The following PLPPR4 variants were observed in gnomAD, a reference collection of about 807,000 sequenced individuals.
PLPPR4 encodes phospholipid phosphatase-related protein type 4.
In PLPPR4, 24 loss-of-function variants were observed where a neutral mutation model predicts 56.6. The ratio of observed to expected loss-of-function variants is 0.42; its 90% CI spans 0.31 to 0.60. PLPPR4 has a LOEUF of 0.60. Ranked by LOEUF, PLPPR4 falls within the 20% of genes least tolerant of loss-of-function variation. The probability of loss-of-function intolerance (pLI) is 0.13; values close to 1 mark genes in which losing one functional copy is unlikely to be tolerated. For synonymous variants in PLPPR4, 326 were observed against 328.1 expected (o/e 0.99, Z 0.07); for missense variants, 654 against 885.8 (o/e 0.74, Z 3.32).
chr1:99,277,102 G>A (rs553132255), intron 1 of PLPPR4, among the ~76,000 whole-genome samples: 61 of 152,234 alleles, frequency 4.0e-4, no homozygotes, highest in South Asian at 1.0e-3. Context: ...ATCCCAAAAC[G>A]ATGTTGTCAT....
In PLPPR4 at chr1:99,308,265, G is replaced by T. The variant is rs1325943778; in HGVS notation, c.*1255G>T. 7.9e-5 allele frequency: 12 copies of T among 152,020 alleles called. No homozygotes were observed. The highest frequency in any genetic ancestry group is 1.5e-4 in the Non-Finnish European group (10 of 68,012). The allele number at this position is 152,020 out of a possible 1,614,324, so 9.4% of individuals were successfully genotyped here. ...GGAAGAATCTGAAAAAAAAATGCAT[G>T]TTGGTAAGTAAAAGTATCTCACGGT... On this transcript the variant is annotated 3_prime_UTR_variant, in exon 7 of 7. Transcript: ENST00000370185.
chr1:99,269,997 TTGTGTGTGTGTGTGTGTGTGTGTG>T (rs10612152), intron 1 of PLPPR4, among the ~76,000 whole-genome samples: 14 of 134,474 alleles, frequency 1.0e-4, no homozygotes, highest in Non-Finnish European at 1.9e-4. Context: ...TTCATTCCTT[TTGTGTGTGTGTGTGTGTGTGTGTG>T]TGTGTGTGTG....
intron 1 of PLPPR4, among the ~76,000 whole-genome samples, chr1:99,285,075 T>C (rs903638073): frequency 3.3e-5 from 5 of 150,720 alleles, no homozygotes; most frequent in African/African-American, 1.2e-4. Context: ...TTATTGTTAC[T>C]GGTTATAACA....
intron 2 of PLPPR4, among the ~76,000 whole-genome samples, chr1:99,289,015 C>T (rs142982799): frequency 7.6e-4 from 115 of 152,196 alleles, no homozygotes; most frequent in African/African-American, 2.5e-3. Context: ...TGTTAATATA[C>T]ATTGTGAGTA....
At chr1:99,271,539 T>G (rs985384589) in intron 1 of PLPPR4, among the ~76,000 whole-genome samples, 8 of 152,180 alleles carry the variant, frequency 5.3e-5, no homozygotes, top group African/African-American at 1.7e-4. Context: ...TCTGTCAGAG[T>G]TCTGGAACAG....
chr1:99,283,679 G>A (rs901571886), intron 1 of PLPPR4, among the ~76,000 whole-genome samples: 2 of 152,140 alleles, frequency 1.3e-5, no homozygotes, highest in Admixed American at 1.3e-4. Context: ...GGCTGGGCGC[G>A]GTGGCTCACG....
chr1:99,288,188 G>T (rs1557778399), intron 2 of PLPPR4, 38 bp downstream of exon 2: 1 of 1,577,376 alleles, frequency 6.3e-7, no homozygotes, highest in Non-Finnish European at 8.6e-7. Context: ...ATCTGTCCTG[G>T]AAAACTAAAA....
intron 3 of PLPPR4, 65 bp from the exon 4 acceptor site, chr1:99,298,970 A>C (rs1415811737): frequency 9.5e-7 from 1 of 1,057,492 alleles, no homozygotes; most frequent in Non-Finnish European, 1.5e-6. Flanking sequence ...ACTAATGTTT[A>C]ATGAATATGT....
intron 1 of PLPPR4, among the ~76,000 whole-genome samples, chr1:99,283,656 A>C (rs1281398421): frequency 1.6e-4 from 24 of 152,194 alleles, no homozygotes; most frequent in Admixed American, 1.6e-3. Flanking sequence ...GCTGCATAAA[A>C]ATAGCTCGGT....
chr1:99,279,375 G>A (rs1405478955), intron 1 of PLPPR4, among the ~76,000 whole-genome samples: 1 of 151,922 alleles, frequency 6.6e-6, no homozygotes, highest in Middle Eastern at 3.2e-3. Context: ...CATTCACTAG[G>A]GAAGACAAAA....
At chr1:99,281,361 C>A (rs924322659) in intron 1 of PLPPR4, among the ~76,000 whole-genome samples, 31 of 152,162 alleles carry the variant, frequency 2.0e-4, no homozygotes, top group African/African-American at 7.0e-4. Context: ...GTATAAAAAC[C>A]AGTTTAGATT....
At chr1:99,298,931 G>T in intron 3 of PLPPR4, 104 bp from the exon 4 acceptor site, 2 of 837,458 alleles carry the variant, frequency 2.4e-6, no homozygotes, top group South Asian at 1.4e-5. Context: ...TAGAGAAAAT[G>T]AACACAATAG....
rs1005009145 is a variant in PLPPR4, at chr1:99,308,970, A to G, written c.*1960A>G. ...CCTGCTGCAGCATTTCAGGTGCAGT[A>G]TGATATTTCCTAATCTTTCCTATTT... On this transcript the variant is annotated 3_prime_UTR_variant, in exon 7 of 7. Transcript: ENST00000370185. 1.3e-5 allele frequency: 2 copies of G among 152,658 alleles called. No homozygotes were observed. The highest frequency in any genetic ancestry group is 4.8e-5 in the African/African-American group (2 of 41,472). The allele number at this position is 152,658 out of a possible 1,614,324, so 9.5% of individuals were successfully genotyped here. A position where few individuals can be genotyped will look rare whatever the true frequency, so the allele number is the denominator to read the frequency against.
rs1171833109 is a variant in PLPPR4, at chr1:99,291,893, C to T, written c.264+3743C>T. Among the ~76,000 whole-genome samples the T allele has an allele frequency of 2.0e-5, 3 of 152,004 alleles. No homozygotes were observed. The South Asian group carries it at 6.2e-4, about 32-fold the overall frequency. On this transcript the variant is annotated intron_variant, in intron 2 of 6. Coordinates refer to ENST00000370185, the MANE Select transcript of PLPPR4 (RefSeq NM_014839.5). ...TCACCTATATAACAAACCTGCACAT[C>T]CTGCACATGTACCCCTGAACTTGAA...
intron 1 of PLPPR4, among the ~76,000 whole-genome samples, chr1:99,274,901 C>T (rs1570907945): frequency 6.6e-6 from 1 of 152,136 alleles, no homozygotes; most frequent in African/African-American, 2.4e-5. Context: ...CATGCCTCAA[C>T]TGAGCCATCT....
chr1:99,278,264 T>C (rs1157572506), intron 1 of PLPPR4, among the ~76,000 whole-genome samples: 3 of 152,114 alleles, frequency 2.0e-5, no homozygotes, highest in East Asian at 1.9e-4. Flanking sequence ...ATACAAATCA[T>C]GGAATCTTAC....
chr1:99,275,514 G>C (rs948448462), intron 1 of PLPPR4, among the ~76,000 whole-genome samples: 1 of 152,170 alleles, frequency 6.6e-6, no homozygotes, highest in African/African-American at 2.4e-5. Flanking sequence ...CAATAAATCT[G>C]TGATGGATTC....
chr1:99,301,256 A>C (rs949317511), intron 5 of PLPPR4, among the ~76,000 whole-genome samples: 1 of 151,912 alleles, frequency 6.6e-6, no homozygotes, highest in Non-Finnish European at 1.5e-5. Flanking sequence ...ATGTTACAAA[A>C]CTTGAAAGAA....
intron 1 of PLPPR4, among the ~76,000 whole-genome samples, chr1:99,274,925 T>C (rs1270618447): frequency 6.6e-6 from 1 of 152,172 alleles, no homozygotes; most frequent in Non-Finnish European, 1.5e-5. Context: ...AAATAAAGAA[T>C]ATTATGCTTT....
Sources: gnomAD v4.1 joint callset for allele counts (sites outside exome capture counted in the v4.1 genomes callset) on GRCh38, gnomAD v4.1.1 for gene constraint, MANE v1.5 for transcripts, NCBI Gene and HGNC (gene_info 2026-07-23, HGNC 2026-07-21) for gene names.